NEB: variants seen among roughly 807,000 people sequenced by gnomAD.
NEB encodes the protein nemaline myopathy type 2.
NEB carries 512 observed loss-of-function variants against 952.2 expected under a neutral mutation model. The observed-to-expected ratio is 0.54, with a 90% confidence interval of 0.50 to 0.58. NEB has a LOEUF of 0.58. Among genes scored for constraint, NEB ranks in the 20% least tolerant of loss-of-function variants. The pLI, the probability that NEB is intolerant of heterozygous loss-of-function variation, is 0.00. For missense variants in NEB, 8,428 were observed against 9,231.1 expected, an observed-to-expected ratio of 0.91 and a Z score of 3.56; for synonymous variants, 2,900 against 3,149.8, an observed-to-expected ratio of 0.92 and a Z score of 2.66.
intron 81 of NEB, 120 bp from the exon 82 acceptor site, chr2:151,608,796 G>A (rs2097783066): frequency 9.9e-6 from 1 of 100,840 alleles, no homozygotes; most frequent in Non-Finnish European, 2.2e-5. Context: ...CCAGCTACTT[G>A]GGAGGCTGAG....
Position 151,677,553 on chromosome 2 carries a change from T to G in NEB, c.3774+12A>C. 1 of 1,603,024 alleles carries G rather than the reference T, an allele frequency of 6.2e-7. No individual in the cohort carries two copies. Among genetic ancestry groups the G allele is most frequent in the Non-Finnish European group, 8.5e-7 (1 of 1,171,880 alleles). On this transcript the variant is annotated intron_variant, in intron 34 of 181. Coordinates refer to ENST00000397345, the MANE Select transcript of NEB (RefSeq NM_001164508.2). The stretch of plus-strand genomic sequence containing the variant: ...TCCATATCCTCTGTCCTCTCTATTT[T>G]ATTGTACTCACATCACTGACTTGCT...
chr2:151,566,957 A>G (rs150439727), intron 114 of NEB, among the ~76,000 whole-genome samples: 1 of 152,278 alleles, frequency 6.6e-6, no homozygotes, highest in Non-Finnish European at 1.5e-5. Flanking sequence ...AAAAAATTTG[A>G]TTGAAAGTTA....
chr2:151,662,390 AGAATC>A (rs1410322118), intron 45 of NEB, 49 bp from the exon 46 acceptor site: 1 of 1,451,546 alleles, frequency 6.9e-7, no homozygotes, highest in South Asian at 1.5e-5. Context: ...GAACTTCCCA[AGAATC>A]CTAAGTGTGT....
chr2:151,509,494 G>A (rs2072255931), intron 161 of NEB, among the ~76,000 whole-genome samples: 2 of 152,196 alleles, frequency 1.3e-5, no homozygotes, highest in South Asian at 4.1e-4. Flanking sequence ...CACAGAACTT[G>A]GATGTATTCT....
rs917184839 is a variant in NEB, at chr2:151,555,058, G to T, written c.19315-14C>A. ...CCGATATTTGATCTATAGAGAATAA[G>T]TAGAAAGGAAGAAACAGTTTTAGAG... On this transcript the variant is annotated splice_polypyrimidine_tract_variant and intron_variant, in intron 124 of 181. Transcript: ENST00000397345. 2 of 1,519,712 alleles carry T rather than the reference G, an allele frequency of 1.3e-6. No individual in the cohort carries two copies. Among genetic ancestry groups the T allele is most frequent in the African/African-American group, 1.4e-5 (1 of 73,034 alleles). 94.1% of individuals were successfully genotyped at this position (1,519,712 alleles called of 1,614,324 possible). A position where few individuals can be genotyped will look rare whatever the true frequency, so the allele number is the denominator to read the frequency against.
At chr2:151,695,138 T>C (rs1029039997) in intron 18 of NEB, among the ~76,000 whole-genome samples, 3 of 152,224 alleles carry the variant, frequency 2.0e-5, no homozygotes, top group African/African-American at 7.2e-5. Context: ...AATGGGTATC[T>C]GGACTTCTGC....
At position 151,502,902 on chromosome 2, in the gene NEB, A is replaced by G. The variant is rs1353520876; in HGVS notation, c.23836-17T>C. ...GTACAAAACCTGTGAGATACAAGAA[A>G]GTACCCAGAGGACATTTAAAACAGG... is the stretch of plus-strand genomic sequence containing the variant. On this transcript the variant is annotated splice_polypyrimidine_tract_variant and intron_variant, in intron 166 of 181. Coordinates refer to ENST00000397345, the MANE Select transcript of NEB (RefSeq NM_001164508.2). 4 of 1,459,868 alleles carry G rather than the reference A, an allele frequency of 2.7e-6. No homozygotes were observed. In the Admixed American group the frequency reaches 5.2e-5, roughly 19 times the overall value. 90.4% of individuals were successfully genotyped at this position (1,459,868 alleles called of 1,614,324 possible). A position where few individuals can be genotyped will look rare whatever the true frequency, so the allele number is the denominator to read the frequency against.
chr2:151,670,968 G>A, intron 38 of NEB, 55 bp downstream of exon 38: 2 of 1,521,876 alleles, frequency 1.3e-6, no homozygotes, highest in East Asian at 2.3e-5. Context: ...CGGAGGAGCG[G>A]CTCAGACACG....
intron 127 of NEB, among the ~76,000 whole-genome samples, chr2:151,553,098 T>C (rs2095432411): frequency 1.3e-5 from 2 of 152,124 alleles, no homozygotes; most frequent in Non-Finnish European, 2.9e-5. Context: ...CACTAACAAA[T>C]CACACTTTCC....
At position 151,567,363 on chromosome 2, in the gene NEB, T is replaced by A. The variant is rs2096450913; in HGVS notation, c.17961A>T (p.Arg5987Ser). ...TTTTGTGATAGTCCTCTTTGTATAGTCTCTCATTCTGAATCTGGCCTGCAT... is the reference window on the plus strand; with the variant it reads ...TTTTGTGATAGTCCTCTTTGTATAGACTCTCATTCTGAATCTGGCCTGCAT... ...FEHAGQIQNERLYKEDYHKTK... is the reference protein window; with the variant it reads ...FEHAGQIQNESLYKEDYHKTK... The change falls in exon 114 of 182, where the codon AGA becomes AGT. Residue 5987 changes from arginine to serine, a missense_variant. Arg to Ser is a moderately radical substitution (Grantham distance 110). Transcript: ENST00000397345. 1 of 1,613,892 alleles carries A rather than the reference T, an allele frequency of 6.2e-7. No homozygotes were observed. Among genetic ancestry groups the A allele is most frequent in the Non-Finnish European group, 8.5e-7 (1 of 1,179,850 alleles).
At chr2:151,496,056 A>C (rs1452947418) in intron 173 of NEB, among the ~76,000 whole-genome samples, 3 of 152,154 alleles carry the variant, frequency 2.0e-5, no homozygotes, top group Non-Finnish European at 4.4e-5. Flanking sequence ...TTTTATAGGA[A>C]AATCTGTTAC....
At chr2:151,527,319 G>C (rs928787405) in intron 147 of NEB, among the ~76,000 whole-genome samples, 162 bp downstream of exon 147, 6 of 152,170 alleles carry the variant, frequency 3.9e-5, no homozygotes, top group African/African-American at 1.4e-4. Flanking sequence ...GCAGGTTTGG[G>C]TTCTGAGCTC....
Position 151,527,095 on chromosome 2 carries a change from C to T in NEB, c.21841-73G>A, listed in dbSNP as rs189211507. On this transcript the variant is annotated intron_variant, in intron 147 of 181. Transcript: ENST00000397345. The stretch of plus-strand genomic sequence containing the variant: ...AGGAAGCTGGGCATTTGATTAAACA[C>T]ACAGGGAGTCCTCTTAAGGAGAGGA... 5.0e-4 allele frequency: 482 copies of T among 957,862 alleles called. 4 individuals carry two copies. The African/African-American group carries it at 6.9e-3, about 14-fold the overall frequency. 59.3% of individuals were successfully genotyped at this position (957,862 alleles called of 1,614,324 possible). A position where few individuals can be genotyped will look rare whatever the true frequency, so the allele number is the denominator to read the frequency against.
intron 181 of NEB, among the ~76,000 whole-genome samples, chr2:151,488,466 G>A (rs530237907): frequency 1.4e-5 from 2 of 147,812 alleles, no homozygotes; most frequent in African/African-American, 2.5e-5. Flanking sequence ...GGGCAACATA[G>A]TGAGCCTCTA....
rs1558883594 is a variant in NEB, at chr2:151,655,956, TC to T, written c.6562del (p.Glu2188LysfsTer29). Reference sequence around the variant, plus strand: ...AGTTGCTTTCTTGGCCTTCTCCACTTCCAGAGAACCTGCTGGACTCCAGCCA... The same window carrying T: ...AGTTGCTTTCTTGGCCTTCTCCACTTCAGAGAACCTGCTGGACTCCAGCCA... ...GLGWSPAGSL[E>X]VEKAKKATEY... On this transcript the variant is annotated frameshift_variant, in exon 50 of 182. Coordinates refer to ENST00000397345, the MANE Select transcript of NEB (RefSeq NM_001164508.2). LOFTEE classifies it high-confidence loss of function. The T allele has an allele frequency of 1.2e-6, 2 of 1,613,782 alleles. No homozygotes were observed. The highest frequency in any genetic ancestry group is 4.5e-5 in the East Asian group (2 of 44,886).
Position 151,485,574 on chromosome 2 carries a change from T to C in NEB, c.*186A>G. ...GGCACAGAAATAATATTGCAGAAGC[T>C]TTTAAAGTGTCTGTTCTGCAACTTA... On this transcript the variant is annotated 3_prime_UTR_variant, in exon 182 of 182. Coordinates refer to ENST00000397345, the MANE Select transcript of NEB (RefSeq NM_001164508.2). 2.2e-6 allele frequency: 1 copy of C among 463,864 alleles called. No homozygotes were observed. The allele number at this position is 463,864 out of a possible 1,614,324, so 28.7% of individuals were successfully genotyped here.
At chr2:151,628,119 G>A (rs187716982) in intron 68 of NEB, among the ~76,000 whole-genome samples, 7 of 152,248 alleles carry the variant, frequency 4.6e-5, no homozygotes, top group Non-Finnish European at 8.8e-5. Flanking sequence ...GCTTGTAGAC[G>A]TTAAGTTTCT....
rs4544436 is a variant in NEB at position 151,561,322 on chromosome 2, A to G, written c.18997-10T>C. 6,691 of 1,563,784 alleles carry G rather than the reference A, an allele frequency of 4.3e-3. 288 individuals are homozygous for G. The African/African-American group carries it at 0.081, about 19-fold the overall frequency. On this transcript the variant is annotated splice_polypyrimidine_tract_variant and intron_variant, in intron 121 of 181. Transcript: ENST00000397345. ...CTGCTGTATATTGTAGCTGTGAAGA[A>G]AAACAAAAGTCATCAAAAATGGTAA...
intron 109 of NEB, 145 bp downstream of exon 109, chr2:151,569,936 G>T: frequency 1.2e-6 from 1 of 811,338 alleles, no homozygotes; most frequent in Non-Finnish European, 1.9e-6. Context: ...TGGTGATTTT[G>T]ATACCATACT....
Sources: gnomAD v4.1 joint callset for allele counts (sites outside exome capture counted in the v4.1 genomes callset) on GRCh38, gnomAD v4.1.1 for gene constraint, MANE v1.5 for transcripts, NCBI Gene and HGNC (gene_info 2026-07-23, HGNC 2026-07-21) for gene names.